FLT1: variants seen among roughly 807,000 people sequenced by gnomAD.
FLT1 encodes fms related receptor tyrosine kinase 1, also known as vascular endothelial growth factor receptor 1.
In FLT1, 49 loss-of-function variants were observed where a neutral mutation model predicts 156.3. The observed-to-expected ratio is 0.31, with a 90% CI of 0.25 to 0.40. FLT1 has a LOEUF of 0.40. Among genes scored for constraint, FLT1 ranks in the 10% least tolerant of loss-of-function variants. The pLI, the probability that FLT1 is intolerant of heterozygous loss-of-function variation, is 1.00. For missense variants in FLT1, 1,322 were observed against 1,637.2 expected (o/e 0.81, Z 3.32); for synonymous variants, 594 against 583.8 (o/e 1.02, Z -0.25).
chr13:28,391,752 C>G (rs1201500519), intron 12 of FLT1, among the ~76,000 whole-genome samples: 1 of 152,308 alleles, frequency 6.6e-6, no homozygotes, highest in South Asian at 2.1e-4. Flanking sequence ...TGTCAACACC[C>G]CATGAGCTCT....
chr13:28,467,458 C>T (rs1479999662), intron 2 of FLT1, 63 bp downstream of exon 2: 6 of 1,092,814 alleles, frequency 5.5e-6, no homozygotes, highest in South Asian at 5.2e-5. Context: ...TTTACTCTGC[C>T]AGGGAATGAT....
intron 3 of FLT1, among the ~76,000 whole-genome samples, chr13:28,466,358 A>T (rs926470279): frequency 6.6e-6 from 1 of 152,164 alleles, no homozygotes; most frequent in Admixed American, 6.5e-5. Flanking sequence ...TGCCCTTTGC[A>T]CTGTATCTTG....
intron 17 of FLT1, among the ~76,000 whole-genome samples, chr13:28,334,432 C>T (rs1424983524): frequency 1.3e-5 from 2 of 152,172 alleles, no homozygotes; most frequent in Non-Finnish European, 2.9e-5. Context: ...GACCAAGTCC[C>T]GTGTAGTTTC....
chr13:28,479,348 T>G (rs935403280), intron 1 of FLT1, among the ~76,000 whole-genome samples: 2 of 152,312 alleles, frequency 1.3e-5, no homozygotes, highest in East Asian at 3.9e-4. Context: ...ATAATTGCCT[T>G]TCATTACACA....
At position 28,427,776 on chromosome 13, in the gene FLT1, G is replaced by T; in HGVS notation, c.1252C>A (p.Leu418Ile). ...SIKQSNVFKN[L>I]TATLIVNVKP... ...CCATTGACAATTAGAGTGGCAGTGA[G>T]GTTTTTAAACACATTTGACTGTTTT... The change falls in exon 9 of 30, where the codon CTC becomes ATC. Residue 418 changes from leucine to isoleucine, a missense_variant. Coordinates refer to ENST00000282397, the MANE Select transcript of FLT1 (RefSeq NM_002019.4). 3 of 1,613,914 alleles carry T rather than the reference G, an allele frequency of 1.9e-6. No individual in the cohort carries two copies. Among genetic ancestry groups the T allele is most frequent in the Middle Eastern group, 1.6e-4 (1 of 6,062 alleles).
rs544559060 is a variant in FLT1 at position 28,473,173 on chromosome 13, C to T, written c.65-5556G>A. On this transcript the variant is annotated intron_variant, in intron 1 of 29. Transcript: ENST00000282397. ...AGGTAGGACTTTTAAACGGTGCAACCCACTTTGGCAAGCAGTATGGCAATT... is the reference window on the plus strand; with the variant it reads ...AGGTAGGACTTTTAAACGGTGCAACTCACTTTGGCAAGCAGTATGGCAATT... Among the ~76,000 whole-genome samples, 9 of 152,216 alleles carry T rather than the reference C, an allele frequency of 5.9e-5. No homozygotes were observed. The East Asian group carries it at 1.7e-3, about 29-fold the overall frequency.
In FLT1 at chr13:28,494,918, C is replaced by T; in HGVS notation, c.-75G>A. The T allele has an allele frequency of 8.1e-7, 1 of 1,234,968 alleles. No individual in the cohort carries two copies. The highest frequency in any genetic ancestry group is 1.1e-6 in the Non-Finnish European group (1 of 915,108). The allele number at this position is 1,234,968 out of a possible 1,614,324, so 76.5% of individuals were successfully genotyped here. ...AACGACCCGGCCGCCAGAGTCCGTC[C>T]TCTCGTTCGCCGCCGCCGGCCCCGC... On this transcript the variant is annotated 5_prime_UTR_variant, in exon 1 of 30. Coordinates refer to ENST00000282397, the MANE Select transcript of FLT1 (RefSeq NM_002019.4).
At chr13:28,372,076 A>ATATATATTTTTT (rs1257431752) in intron 14 of FLT1, among the ~76,000 whole-genome samples, 1 of 11,766 alleles carries the variant, frequency 8.5e-5, no homozygotes, top group Non-Finnish European at 1.6e-4. Context: ...ATATATATAT[A>ATATATATTTTTT]TTTTTTTTTT....
chr13:28,307,935 C>A (rs982771106), intron 28 of FLT1, among the ~76,000 whole-genome samples: 2 of 152,200 alleles, frequency 1.3e-5, no homozygotes, highest in Non-Finnish European at 2.9e-5. Flanking sequence ...CCACGCCCAG[C>A]TAATTTTTTT....
At chr13:28,421,825 G>A (rs1877018844) in intron 10 of FLT1, among the ~76,000 whole-genome samples, 1 of 152,192 alleles carries the variant, frequency 6.6e-6, no homozygotes, top group Admixed American at 6.5e-5. Flanking sequence ...ATTCATAGCT[G>A]TGTATGATAG....
chr13:28,388,185 G>C (rs1874483912), intron 13 of FLT1: 2 of 1,057,668 alleles, frequency 1.9e-6, no homozygotes, highest in African/African-American at 1.7e-5. Flanking sequence ...TCTTTCCTTT[G>C]GGCTGACAAC....
At chr13:28,314,984 G>A (rs1301852417) in intron 25 of FLT1, among the ~76,000 whole-genome samples, 1 of 152,098 alleles carries the variant, frequency 6.6e-6, no homozygotes, top group Non-Finnish European at 1.5e-5. Flanking sequence ...TGAGTTATTT[G>A]CGACCACAGC....
chr13:28,310,767 A>G (rs1274910627), intron 27 of FLT1, among the ~76,000 whole-genome samples: 1 of 152,222 alleles, frequency 6.6e-6, no homozygotes, highest in African/African-American at 2.4e-5. Flanking sequence ...AGTTTTATCT[A>G]AGGTTTCACC....
At chr13:28,330,879 A>C (rs565293248) in intron 18 of FLT1, among the ~76,000 whole-genome samples, 1 of 151,596 alleles carries the variant, frequency 6.6e-6, no homozygotes, top group Non-Finnish European at 1.5e-5. Flanking sequence ...ATGCTTGGCT[A>C]ATTTTTGTAT....
intron 10 of FLT1, among the ~76,000 whole-genome samples, chr13:28,412,385 T>TTTCTTTCC (rs1555236551): frequency 0.036 from 3,028 of 84,522 alleles, 320 homozygotes; most frequent in African/African-American, 0.047. Context: ...TCTTTCTTTC[T>TTTCTTTCC]TTCTTTCTTT....
chr13:28,391,103 A>G (rs1450089880), intron 12 of FLT1, among the ~76,000 whole-genome samples: 1 of 152,194 alleles, frequency 6.6e-6, no homozygotes, highest in East Asian at 1.9e-4. Context: ...AATGCGGACA[A>G]CTAATCTGGA....
At chr13:28,469,073 C>T (rs1430444588) in intron 1 of FLT1, among the ~76,000 whole-genome samples, 1 of 152,170 alleles carries the variant, frequency 6.6e-6, no homozygotes, top group East Asian at 1.9e-4. Flanking sequence ...CCTCCTCCTC[C>T]TCCCCTCTTC....
intron 3 of FLT1, 196 bp downstream of exon 3, chr13:28,466,707 C>A: frequency 1.5e-6 from 1 of 674,554 alleles, no homozygotes; most frequent in Non-Finnish European, 2.7e-6. Flanking sequence ...TTGTGGAGCA[C>A]ATAGTGACTA....
intron 14 of FLT1, among the ~76,000 whole-genome samples, chr13:28,370,760 C>T (rs555662582): frequency 9.5e-4 from 145 of 152,272 alleles, no homozygotes; most frequent in Non-Finnish European, 1.8e-3. Flanking sequence ...TAAGTTTGTG[C>T]GCACACCCAC....
Sources: gnomAD v4.1 joint callset for allele counts (sites outside exome capture counted in the v4.1 genomes callset) on GRCh38, gnomAD v4.1.1 for gene constraint, MANE v1.5 for transcripts, NCBI Gene and HGNC (gene_info 2026-07-23, HGNC 2026-07-21) for gene names.